Variants in CDKAL1 observed in about 807,000 individuals in gnomAD.
The protein encoded by CDKAL1 is CDKAL1 threonylcarbamoyladenosine tRNA methylthiotransferase, also known as threonylcarbamoyladenosine tRNA methylthiotransferase.
In CDKAL1, 32 loss-of-function variants were observed where a neutral mutation model predicts 68.2. The observed-to-expected ratio is 0.47, with a 90% CI of 0.35 to 0.63. The LOEUF (loss-of-function observed/expected upper bound fraction) is 0.63, where lower values mean the gene tolerates loss of function less well. Ranked by LOEUF, CDKAL1 falls within the 30% of genes least tolerant of loss-of-function variation. The pLI, the probability that CDKAL1 is intolerant of heterozygous loss-of-function variation, is 0.00. For missense variants in CDKAL1, 606 were observed against 696.7 expected, an observed-to-expected ratio of 0.87 and a Z score of 1.47; for synonymous variants, 234 against 244.3, an observed-to-expected ratio of 0.96 and a Z score of 0.39.
At chr6:20,605,931 A>G (rs1766315776) in intron 4 of CDKAL1, among the ~76,000 whole-genome samples, 1 of 152,180 alleles carries the variant, frequency 6.6e-6, no homozygotes, top group Admixed American at 6.5e-5. Flanking sequence ...TCTGTCTTAC[A>G]AACTCTAGCA....
intron 8 of CDKAL1, among the ~76,000 whole-genome samples, chr6:20,790,621 G>A (rs993660063): frequency 2.5e-4 from 38 of 152,128 alleles, no homozygotes; most frequent in African/African-American, 8.7e-4. Context: ...CTGCCCACTC[G>A]GTCCACCTGT....
intron 10 of CDKAL1, among the ~76,000 whole-genome samples, chr6:20,999,214 G>C (rs1282360611): frequency 6.6e-6 from 1 of 152,128 alleles, no homozygotes; most frequent in East Asian, 1.9e-4. Context: ...TGTGCCTGCT[G>C]TCTCTTTCTT....
intron 10 of CDKAL1, among the ~76,000 whole-genome samples, chr6:20,990,055 C>G (rs751650748): frequency 1.9e-4 from 29 of 152,134 alleles, no homozygotes; most frequent in South Asian, 8.3e-4. Flanking sequence ...CCAGCCTGGC[C>G]AACGTGGTAA....
intron 7 of CDKAL1, among the ~76,000 whole-genome samples, chr6:20,765,581 A>G (rs1774664062): frequency 1.3e-5 from 2 of 152,172 alleles, no homozygotes; most frequent in South Asian, 4.1e-4. Flanking sequence ...ACATCTACAT[A>G]CATTATTTCT....
At chr6:20,604,653 A>G (rs189024605) in intron 4 of CDKAL1, among the ~76,000 whole-genome samples, 3 of 152,262 alleles carry the variant, frequency 2.0e-5, no homozygotes, top group African/African-American at 7.2e-5. Context: ...CTTGCCCCAT[A>G]CCCCGTGATC....
intron 7 of CDKAL1, among the ~76,000 whole-genome samples, chr6:20,776,733 AC>A (rs1775188406): frequency 6.6e-6 from 1 of 152,178 alleles, no homozygotes; most frequent in Non-Finnish European, 1.5e-5. Flanking sequence ...TCATGTCAGT[AC>A]TCTGGAAATC....
chr6:21,204,605 C>T (rs1342455661), intron 15 of CDKAL1, among the ~76,000 whole-genome samples: 1 of 152,152 alleles, frequency 6.6e-6, no homozygotes, highest in Admixed American at 6.5e-5. Context: ...TGTGTTCACT[C>T]ATATCGCCCT....
At chr6:20,889,446 C>A (rs1301456712) in intron 9 of CDKAL1, among the ~76,000 whole-genome samples, 1 of 152,018 alleles carries the variant, frequency 6.6e-6, no homozygotes, top group Non-Finnish European at 1.5e-5. Context: ...AGTCCTTGCC[C>A]ATGCCTATGT....
intron 13 of CDKAL1, among the ~76,000 whole-genome samples, chr6:21,193,663 A>G (rs1778349500): frequency 1.3e-5 from 2 of 152,136 alleles, no homozygotes; most frequent in African/African-American, 2.4e-5. Context: ...GTTGATTTCA[A>G]AGAACCCTCT....
At chr6:21,107,553 G>A (rs1256451442) in intron 12 of CDKAL1, among the ~76,000 whole-genome samples, 1 of 152,022 alleles carries the variant, frequency 6.6e-6, no homozygotes, top group Non-Finnish European at 1.5e-5. Flanking sequence ...TCAGCTTCCT[G>A]AGTAGCTCAG....
intron 12 of CDKAL1, among the ~76,000 whole-genome samples, chr6:21,102,360 G>A (rs1001909489): frequency 2.0e-5 from 3 of 152,160 alleles, no homozygotes; most frequent in East Asian, 1.9e-4. Flanking sequence ...ACCCACCCCC[G>A]CAGGAAGTTC....
intron 12 of CDKAL1, among the ~76,000 whole-genome samples, chr6:21,072,252 A>G (rs540653528): frequency 2.6e-5 from 4 of 152,296 alleles, no homozygotes; most frequent in African/African-American, 9.6e-5. Flanking sequence ...TAACATTGAT[A>G]AATGTCTAGA....
chr6:20,625,019 A>C lies in CDKAL1; in HGVS notation c.287-24274A>C, dbSNP rs112428845. On this transcript the variant is annotated intron_variant, in intron 4 of 15. Transcript: ENST00000274695. The stretch of plus-strand genomic sequence containing the variant: ...TTTCTGAGTCCTAATGTGATTTCCC[A>C]GAATACCTAGCACATATAATTCAAA... 4.3e-3 allele frequency among the ~76,000 whole-genome samples: 655 copies of C among 152,220 alleles called. 3 individuals carry two copies. Among genetic ancestry groups the C allele is most frequent in the African/African-American group, 0.015 (623 of 41,552 alleles).
chr6:20,948,748 T>C (rs2150713292), intron 9 of CDKAL1, among the ~76,000 whole-genome samples: 1 of 152,302 alleles, frequency 6.6e-6, no homozygotes, highest in South Asian at 2.1e-4. Flanking sequence ...TCTAGGGGTA[T>C]TAAAAATGCC....
chr6:20,757,488 G>A (rs1016537245), intron 6 of CDKAL1, among the ~76,000 whole-genome samples: 7 of 152,038 alleles, frequency 4.6e-5, no homozygotes, highest in South Asian at 2.1e-4. Flanking sequence ...CAAAGACCCC[G>A]GGACCTCACT....
chr6:21,203,787 T>G (rs1419089350), intron 15 of CDKAL1, among the ~76,000 whole-genome samples: 2 of 146,128 alleles, frequency 1.4e-5, no homozygotes, highest in Non-Finnish European at 3.0e-5. Flanking sequence ...ACCTCCACCT[T>G]CCAGGTTCAA....
intron 11 of CDKAL1, among the ~76,000 whole-genome samples, chr6:21,014,529 T>C (rs1319021410): frequency 6.6e-6 from 1 of 151,298 alleles, no homozygotes; most frequent in Non-Finnish European, 1.5e-5. Flanking sequence ...GAGAATGGTG[T>C]GAACCTGGGA....
chr6:20,694,056 G>GTATA (rs775374430), intron 5 of CDKAL1, among the ~76,000 whole-genome samples: 6,589 of 87,600 alleles, frequency 0.075, 490 homozygotes, highest in African/African-American at 0.24. Context: ...GTGTGTGTGT[G>GTATA]TGTGTATGTG....
chr6:20,615,984 C>T (rs1271077074), intron 4 of CDKAL1, among the ~76,000 whole-genome samples: 5 of 150,380 alleles, frequency 3.3e-5, no homozygotes, highest in Non-Finnish European at 5.9e-5. Flanking sequence ...GATCCAGTTT[C>T]AGCTTTCTAC....
Sources: allele counts gnomAD v4.1 joint callset (sites outside exome capture counted in the v4.1 genomes callset), GRCh38; gene constraint gnomAD v4.1.1; transcripts MANE v1.5; gene names NCBI Gene and HGNC (gene_info 2026-07-23, HGNC 2026-07-21).